Variants in ARHGDIG observed in about 807,000 individuals in gnomAD.
ARHGDIG encodes rho GDP-dissociation inhibitor 3.
Under a neutral mutation model 20.2 loss-of-function variants are expected in ARHGDIG, and 14 were observed. The ratio of observed to expected loss-of-function variants is 0.69; its 90% CI spans 0.46 to 1.08. The LOEUF (loss-of-function observed/expected upper bound fraction) is 1.08. Among genes scored for constraint, ARHGDIG ranks in the 50% least tolerant of loss-of-function variants. The pLI, the probability that ARHGDIG is intolerant of heterozygous loss-of-function variation, is 0.00. For missense variants in ARHGDIG, 311 were observed against 301.8 expected (o/e 1.03, Z -0.23); for synonymous variants, 193 against 138.6 (o/e 1.39, Z -2.76).
chr16:281,640 T>G, intron 1 of ARHGDIG, 106 bp from the exon 2 acceptor site: 1 of 1,286,718 alleles, frequency 7.8e-7, no homozygotes, highest in Non-Finnish European at 1.0e-6. Context: ...TTCCCTTGAG[T>G]CCCTTTGGAT....
chr16:282,490 C>A lies in ARHGDIG; in HGVS notation c.438C>A (p.Gly146=). Residue 146 remains glycine, a synonymous_variant, in exon 5 of 6, where the codon GGC becomes GGA. Transcript: ENST00000219409. ...SFKVHREIVS[G]LKCLHHTYRR... is the part of the protein sequence containing the mutation. ...AGGTCCACAGGGAGATTGTCAGCGG[C>A]CTCAAGTGTCTGCACCACACCTACC... 2 of 1,610,618 alleles carry A rather than the reference C, an allele frequency of 1.2e-6. No individual in the cohort carries two copies. The highest frequency in any genetic ancestry group is 2.2e-5 in the South Asian group (2 of 90,980).
rs764370393 is a variant in ARHGDIG, at chr16:282,451, A to C, written c.415-16A>C. The C allele has an allele frequency of 2.5e-6, 4 of 1,611,844 alleles. No individual in the cohort carries two copies. In the South Asian group the frequency reaches 4.4e-5, roughly 18 times the overall value. On this transcript the variant is annotated splice_polypyrimidine_tract_variant and intron_variant, in intron 4 of 5. Coordinates refer to ENST00000219409, the MANE Select transcript of ARHGDIG (RefSeq NM_001176.4). ...GGCCTGGCCCCCAGAGGAACCCCTA[A>C]TGCCTCTGTTCCCAGGTCCACAGGG...
chr16:281,989 T>C (rs775646931), intron 2 of ARHGDIG, 36 bp from the exon 3 acceptor site: 13 of 559,630 alleles, frequency 2.3e-5, no homozygotes, highest in Non-Finnish European at 3.4e-5. Flanking sequence ...CTGGTGGGGG[T>C]GGGGGGCATC....
chr16:281,676 G>C, intron 1 of ARHGDIG, 70 bp from the exon 2 acceptor site: 1 of 1,462,468 alleles, frequency 6.8e-7, no homozygotes, highest in African/African-American at 1.4e-5. Flanking sequence ...TGGCCAGAGG[G>C]GGCTCCAGCC....
Position 280,887 on chromosome 16 carries a change from G to A in ARHGDIG, c.73+134G>A, listed in dbSNP as rs1051794207. The A allele has an allele frequency of 1.2e-5, 5 of 408,930 alleles. No individual in the cohort carries two copies. The highest frequency in any genetic ancestry group is 7.8e-5 in the East Asian group (1 of 12,882). 25.3% of individuals were successfully genotyped at this position (408,930 alleles called of 1,614,324 possible). On this transcript the variant is annotated intron_variant, in intron 1 of 5. Transcript: ENST00000219409. This position sits in a 1 kb window ranked among gnomAD's most constrained non-coding sequence, Gnocchi z 6.6. ...CGACCCCCCGGCTGGGGTCTGGCAG[G>A]GGTGGGGGACTTCATCCAGGCTCCA...
At position 280,676 on chromosome 16, in the gene ARHGDIG, C is replaced by T; in HGVS notation, c.-5C>T. The T allele has an allele frequency of 9.2e-7, 1 of 1,085,744 alleles. No individual in the cohort carries two copies. 67.3% of individuals were successfully genotyped at this position (1,085,744 alleles called of 1,614,324 possible). A position where few individuals can be genotyped will look rare whatever the true frequency, so the allele number is the denominator to read the frequency against. On this transcript the variant is annotated 5_prime_UTR_variant, in exon 1 of 6. Transcript: ENST00000219409. This position sits in a 1 kb window ranked among gnomAD's most constrained non-coding sequence, Gnocchi z 6.6. Reference sequence around the variant, plus strand: ...GGCTCCGCGGCGCCCGGGCCGCGCGCCGCCATGCTGGGCCTGGACGCGTGC... The same window carrying T: ...GGCTCCGCGGCGCCCGGGCCGCGCGTCGCCATGCTGGGCCTGGACGCGTGC...
At chr16:282,245 C>G in intron 3 of ARHGDIG, 52 bp from the exon 4 acceptor site, 2 of 1,610,124 alleles carry the variant, frequency 1.2e-6, no homozygotes, top group Non-Finnish European at 1.7e-6. Context: ...GCTCCTGGAG[C>G]AGGTCTCAGC....
chr16:282,572 G>C (rs746482632), intron 5 of ARHGDIG, 42 bp downstream of exon 5: 3 of 1,553,822 alleles, frequency 1.9e-6, no homozygotes, highest in South Asian at 2.4e-5. Flanking sequence ...GGGGGGAAGC[G>C]GGGGCAGACA....
At position 280,660 on chromosome 16, in the gene ARHGDIG, G is replaced by A. The variant is rs1391172555; in HGVS notation, c.-21G>A. ...GCGGCGGCTCCTCGGCGGCTCCGCG[G>A]CGCCCGGGCCGCGCGCCGCCATGCT... On this transcript the variant is annotated 5_prime_UTR_variant, in exon 1 of 6. Transcript: ENST00000219409. The surrounding 1 kb of genome is among the most constrained non-coding windows in gnomAD (Gnocchi z 6.6). 2 of 690,112 alleles carry A rather than the reference G, an allele frequency of 2.9e-6. No individual in the cohort carries two copies. Among genetic ancestry groups the A allele is most frequent in the African/African-American group, 7.7e-5 (1 of 13,014 alleles). 42.7% of individuals were successfully genotyped at this position (690,112 alleles called of 1,614,324 possible). A position where few individuals can be genotyped will look rare whatever the true frequency, so the allele number is the denominator to read the frequency against.
chr16:282,808 G>T lies in ARHGDIG; in HGVS notation c.672G>T (p.Lys224Asn). 1 of 1,600,822 alleles carries T rather than the reference G, an allele frequency of 6.2e-7. No homozygotes were observed. Among genetic ancestry groups the T allele is most frequent in the East Asian group, 2.2e-5 (1 of 44,556 alleles). The change falls in exon 6 of 6, where the codon AAG becomes AAT. Residue 224 changes from lysine (K) to asparagine (N), a missense_variant. Physicochemically the swap from Lys to Asn is moderately conservative, Grantham distance 94. Coordinates refer to ENST00000219409, the MANE Select transcript of ARHGDIG (RefSeq NM_001176.4). ...EWGLCICQDW[K>N]D ...GTCTCTGCATCTGCCAGGACTGGAA[G>T]GACTGAACCCCCAGTCCGTGTCTCC...
In ARHGDIG at chr16:282,937, C is replaced by A; in HGVS notation, c.*123C>A. ...GCCCCTGCTGCCCCTGCTGCCCCTGCTCTGTCCCGGGACCCCCTGGCCTGG... is the reference window on the plus strand; with the variant it reads ...GCCCCTGCTGCCCCTGCTGCCCCTGATCTGTCCCGGGACCCCCTGGCCTGG... On this transcript the variant is annotated 3_prime_UTR_variant, in exon 6 of 6. Coordinates refer to ENST00000219409, the MANE Select transcript of ARHGDIG (RefSeq NM_001176.4). 1 of 1,092,642 alleles carries A rather than the reference C, an allele frequency of 9.2e-7. No individual in the cohort carries two copies. The highest frequency in any genetic ancestry group is 3.2e-5 in the Admixed American group (1 of 31,092). The allele number at this position is 1,092,642 out of a possible 1,614,324, so 67.7% of individuals were successfully genotyped here.
rs1263725544 is a variant in ARHGDIG at position 282,820 on chromosome 16, C to T, written c.*6C>T. On this transcript the variant is annotated 3_prime_UTR_variant, in exon 6 of 6. Coordinates refer to ENST00000219409, the MANE Select transcript of ARHGDIG (RefSeq NM_001176.4). ...GCCAGGACTGGAAGGACTGAACCCC[C>T]AGTCCGTGTCTCCCCTACCTCCCTC... 1.3e-6 allele frequency: 2 copies of T among 1,586,394 alleles called. No individual in the cohort carries two copies. Among genetic ancestry groups the T allele is most frequent in the African/African-American group, 1.3e-5 (1 of 74,398 alleles).
At position 280,636 on chromosome 16, in the gene ARHGDIG, C is replaced by A; in HGVS notation, c.-45C>A. 2 of 868,134 alleles carry A rather than the reference C, an allele frequency of 2.3e-6. No individual in the cohort carries two copies. The highest frequency in any genetic ancestry group is 2.7e-6 in the Non-Finnish European group (2 of 740,204). The allele number at this position is 868,134 out of a possible 1,614,324, so 53.8% of individuals were successfully genotyped here. On this transcript the variant is annotated 5_prime_UTR_variant, in exon 1 of 6. Coordinates refer to ENST00000219409, the MANE Select transcript of ARHGDIG (RefSeq NM_001176.4). This position sits in a 1 kb window ranked among gnomAD's most constrained non-coding sequence, Gnocchi z 6.6. The stretch of plus-strand genomic sequence containing the variant: ...CCGAGCGGGGCGGCGGCGGGGCGGG[C>A]GGCGGCTCCTCGGCGGCTCCGCGGC...
At chr16:282,567 G>GGGGGGGC in intron 5 of ARHGDIG, 37 bp downstream of exon 5, 5 of 957,274 alleles carry the variant, frequency 5.2e-6, no homozygotes, top group Non-Finnish European at 7.6e-6. Flanking sequence ...GCGGGGGGGG[G>GGGGGGGC]AAGCGGGGGC....
chr16:280,860 G>A lies in ARHGDIG; in HGVS notation c.73+107G>A. 1 of 644,286 alleles carries A rather than the reference G, an allele frequency of 1.6e-6. No individual in the cohort carries two copies. The highest frequency in any genetic ancestry group is 2.0e-6 in the Non-Finnish European group (1 of 488,798). 39.9% of individuals were successfully genotyped at this position (644,286 alleles called of 1,614,324 possible). ...GGGGCGCGCATGGGGACCTCGCGGC[G>A]CCGACCCCCCGGCTGGGGTCTGGCA... On this transcript the variant is annotated intron_variant, in intron 1 of 5. Transcript: ENST00000219409. This position sits in a 1 kb window ranked among gnomAD's most constrained non-coding sequence, Gnocchi z 6.6.
chr16:281,699 G>C (rs751821634), intron 1 of ARHGDIG, 47 bp from the exon 2 acceptor site: 3 of 1,509,394 alleles, frequency 2.0e-6, no homozygotes, highest in Non-Finnish European at 2.7e-6. Context: ...GTGCTCGAAT[G>C]CCAGGGTCCG....
Position 280,598 on chromosome 16 carries a change from C to G in ARHGDIG, c.-83C>G. 3.0e-6 allele frequency: 2 copies of G among 667,800 alleles called. No individual in the cohort carries two copies. The highest frequency in any genetic ancestry group is 3.7e-6 in the Non-Finnish European group (2 of 542,406). 41.4% of individuals were successfully genotyped at this position (667,800 alleles called of 1,614,324 possible). ...CCGGGATGAGCTCACCGCAGTCGCG[C>G]CGGGGCTGAGCGCCGAGCGGGGCGG... On this transcript the variant is annotated 5_prime_UTR_variant, in exon 1 of 6. Coordinates refer to ENST00000219409, the MANE Select transcript of ARHGDIG (RefSeq NM_001176.4). This position sits in a 1 kb window ranked among gnomAD's most constrained non-coding sequence, Gnocchi z 6.6.
chr16:282,607 C>A lies in ARHGDIG; in HGVS notation c.479-8C>A. On this transcript the variant is annotated splice_region_variant and splice_polypyrimidine_tract_variant and intron_variant, in intron 5 of 5. Coordinates refer to ENST00000219409, the MANE Select transcript of ARHGDIG (RefSeq NM_001176.4). ...AGAGGACAGCTCTGATGCCCTCGCCCTCCCTAGTGGACAAGACCGTCTACA... is the reference window on the plus strand; with the variant it reads ...AGAGGACAGCTCTGATGCCCTCGCCATCCCTAGTGGACAAGACCGTCTACA... 2 of 1,590,938 alleles carry A rather than the reference C, an allele frequency of 1.3e-6. No homozygotes were observed. Among genetic ancestry groups the A allele is most frequent in the Non-Finnish European group, 1.7e-6 (2 of 1,169,314 alleles).
In ARHGDIG at chr16:282,718, C is replaced by G. The variant is rs2052301071; in HGVS notation, c.582C>G (p.Gly194=). Residue 194 remains glycine (G), a synonymous_variant, in exon 6 of 6, where the codon GGC becomes GGG. Coordinates refer to ENST00000219409, the MANE Select transcript of ARHGDIG (RefSeq NM_001176.4). ...CGCCGAGGGGTGCGCTGGTGCGGGG[C>G]CCCTATCTGGTGGTGTCCCTCTTCA... ...EEAPRGALVR[G]PYLVVSLFTD... 1 of 1,604,404 alleles carries G rather than the reference C, an allele frequency of 6.2e-7. No individual in the cohort carries two copies. Among genetic ancestry groups the G allele is most frequent in the East Asian group, 2.2e-5 (1 of 44,728 alleles).
Sources: allele counts gnomAD v4.1 joint callset, GRCh38; gene constraint gnomAD v4.1.1; non-coding constraint Gnocchi (gnomAD v3.1); transcripts MANE v1.5; gene names NCBI Gene and HGNC (gene_info 2026-07-23, HGNC 2026-07-21).